FBXL17: variants seen among roughly 807,000 people sequenced by gnomAD.
The protein encoded by FBXL17 is F-box and leucine rich repeat protein 17, also known as F-box/LRR-repeat protein 17.
A neutral mutation model predicts 66.2 loss-of-function variants in FBXL17; 22 were observed. The observed-to-expected ratio is 0.33, with a 90% CI of 0.24 to 0.47. The LOEUF (loss-of-function observed/expected upper bound fraction) is 0.47. FBXL17 is among the 20% of genes least tolerant of loss of function. The pLI is 1.00. For missense variants in FBXL17, 878 were observed against 948.2 expected (o/e 0.93, Z 0.97); for synonymous variants, 474 against 400.5 (o/e 1.18, Z -2.19).
chr5:108,215,544 T>C (rs998780365), intron 5 of FBXL17, among the ~76,000 whole-genome samples: 1 of 148,608 alleles, frequency 6.7e-6, no homozygotes, highest in African/African-American at 2.4e-5. Flanking sequence ...TTCAAGTCTT[T>C]TGCACATTTA....
rs568242842 is a variant in FBXL17, at chr5:108,288,523, C to T, written c.1506+59876G>A. Among the ~76,000 whole-genome samples, 37 of 122,452 alleles carry T rather than the reference C, an allele frequency of 3.0e-4. No homozygotes were observed. The South Asian group carries it at 9.3e-3, about 31-fold the overall frequency. The allele number at this position is 122,452 out of a possible 152,430, so 80.3% of individuals were successfully genotyped here. On this transcript the variant is annotated intron_variant, in intron 4 of 8. Coordinates refer to ENST00000542267, the MANE Select transcript of FBXL17 (RefSeq NM_001163315.3). ...ACAAGTTACAAAAAGGAGGGAAAAC[C>T]GAACATAGTACATTATGTAGCTCTA...
At chr5:108,364,558 T>C (rs756707081) in intron 3 of FBXL17, among the ~76,000 whole-genome samples, 180 bp downstream of exon 3, 6 of 152,074 alleles carry the variant, frequency 3.9e-5, no homozygotes, top group Non-Finnish European at 7.4e-5. Context: ...GCAGTTAATT[T>C]ACTGATTATA....
chr5:108,224,982 A>C (rs1171313928), intron 4 of FBXL17, among the ~76,000 whole-genome samples: 2 of 152,028 alleles, frequency 1.3e-5, no homozygotes, highest in African/African-American at 4.8e-5. Flanking sequence ...TCACCCTTTC[A>C]AAGAGTACAG....
chr5:108,210,073 T>G (rs755553988), intron 5 of FBXL17, among the ~76,000 whole-genome samples: 2 of 152,226 alleles, frequency 1.3e-5, no homozygotes, highest in African/African-American at 2.4e-5. Flanking sequence ...TATCCATTTC[T>G]TCCAGATTTT....
In FBXL17 at chr5:108,007,382, G is replaced by C. The variant is rs1036429363; in HGVS notation, c.1822+13543C>G. ...AAACGCATTTGTGAGACAGACTAGA[G>C]TCCACACAAATCATATATTACAATC... On this transcript the variant is annotated intron_variant, in intron 7 of 8. Transcript: ENST00000542267. Among the ~76,000 whole-genome samples the C allele has an allele frequency of 3.0e-4, 45 of 152,212 alleles. 1 individual carries two copies. The highest frequency in any genetic ancestry group is 1.0e-3 in the African/African-American group (43 of 41,520).
chr5:108,321,086 A>AT (rs1349794702), intron 4 of FBXL17, among the ~76,000 whole-genome samples: 3 of 151,648 alleles, frequency 2.0e-5, no homozygotes, highest in Admixed American at 1.3e-4. Flanking sequence ...ATAAGAAATT[A>AT]TTTTTTTCTG....
chr5:108,122,811 T>C (rs1320342531), intron 6 of FBXL17, among the ~76,000 whole-genome samples: 1 of 152,158 alleles, frequency 6.6e-6, no homozygotes, highest in Non-Finnish European at 1.5e-5. Context: ...CCTCTTCCTA[T>C]AGTATGGTCT....
At position 107,934,195 on chromosome 5, in the gene FBXL17, G is replaced by T. The variant is rs945724824; in HGVS notation, c.1823-53016C>A. On this transcript the variant is annotated intron_variant, in intron 7 of 8. Coordinates refer to ENST00000542267, the MANE Select transcript of FBXL17 (RefSeq NM_001163315.3). Reference sequence around the variant, plus strand: ...TTGGGAAAGAAATTATTTTCATTGTGCATAATAATAATCTAAAAGTAAAGT... The same window carrying T: ...TTGGGAAAGAAATTATTTTCATTGTTCATAATAATAATCTAAAAGTAAAGT... Among the ~76,000 whole-genome samples, 5 of 151,984 alleles carry T rather than the reference G, an allele frequency of 3.3e-5. No individual in the cohort carries two copies. In the South Asian group the frequency reaches 1.0e-3, roughly 32 times the overall value.
At chr5:107,932,995 G>C (rs1256241791) in intron 7 of FBXL17, among the ~76,000 whole-genome samples, 1 of 152,132 alleles carries the variant, frequency 6.6e-6, no homozygotes, top group Non-Finnish European at 1.5e-5. Flanking sequence ...AGACAAAATG[G>C]AATTGTATAG....
intron 6 of FBXL17, among the ~76,000 whole-genome samples, chr5:108,068,187 T>C (rs1182541306): frequency 1.3e-5 from 2 of 152,214 alleles, no homozygotes; most frequent in Non-Finnish European, 2.9e-5. Context: ...TTATTGCGTA[T>C]ATGAAATTAT....
intron 6 of FBXL17, among the ~76,000 whole-genome samples, chr5:108,162,076 TGAGGCAAATA>T (rs1367401203): frequency 6.6e-6 from 1 of 152,232 alleles, no homozygotes; most frequent in Admixed American, 6.5e-5. Context: ...ATAAACTCTA[TGAGGCAAATA>T]TTGCTAAATT....
At chr5:108,238,535 G>C (rs991463757) in intron 4 of FBXL17, among the ~76,000 whole-genome samples, 7 of 152,148 alleles carry the variant, frequency 4.6e-5, no homozygotes, top group African/African-American at 1.2e-4. Context: ...TGGGGGAACA[G>C]GGTCTCATTC....
intron 4 of FBXL17, among the ~76,000 whole-genome samples, chr5:108,305,214 G>C (rs999079742): frequency 2.6e-5 from 4 of 152,048 alleles, no homozygotes; most frequent in African/African-American, 9.7e-5. Flanking sequence ...CATAGTAGAA[G>C]TCAGGTTTGC....
intron 4 of FBXL17, 143 bp downstream of exon 4, chr5:108,348,256 T>C: frequency 1.6e-6 from 1 of 610,268 alleles, no homozygotes; most frequent in Non-Finnish European, 2.6e-6. Flanking sequence ...TATAAAATCA[T>C]CACTTTAAAA....
intron 4 of FBXL17, among the ~76,000 whole-genome samples, chr5:108,347,117 T>C (rs992388658): frequency 1.3e-5 from 2 of 152,190 alleles, no homozygotes; most frequent in South Asian, 4.1e-4. Context: ...GGTAATTTTG[T>C]CATTGTGTGA....
intron 6 of FBXL17, among the ~76,000 whole-genome samples, chr5:108,163,698 G>A (rs773328994): frequency 6.6e-6 from 1 of 152,040 alleles, no homozygotes; most frequent in East Asian, 1.9e-4. Flanking sequence ...ACTGCTTCTG[G>A]CCTTAAAACA....
At chr5:108,210,678 CTT>C (rs1184386339) in intron 5 of FBXL17, among the ~76,000 whole-genome samples, 2 of 151,992 alleles carry the variant, frequency 1.3e-5, no homozygotes, top group East Asian at 1.9e-4. Context: ...GTGAGAGACT[CTT>C]TGTTATGATT....
In FBXL17 at chr5:108,103,939, A is replaced by C. The variant is rs564099957; in HGVS notation, c.1745+82178T>G. Among the ~76,000 whole-genome samples, 25 of 152,156 alleles carry C rather than the reference A, an allele frequency of 1.6e-4. No individual in the cohort carries two copies. The South Asian group carries it at 4.8e-3, about 29-fold the overall frequency. On this transcript the variant is annotated intron_variant, in intron 6 of 8. Transcript: ENST00000542267. The stretch of plus-strand genomic sequence containing the variant: ...CCTCTACCCGCTATCCTTTTCCCTC[A>C]TTTTACAAAGTGAATTGTGCCAGAC...
intron 7 of FBXL17, among the ~76,000 whole-genome samples, chr5:107,898,632 C>G (rs888296421): frequency 6.6e-6 from 1 of 152,138 alleles, no homozygotes; most frequent in African/African-American, 2.4e-5. Context: ...GCCTCCACCT[C>G]GCAACAGGCC....
Sources: allele counts gnomAD v4.1 joint callset (sites outside exome capture counted in the v4.1 genomes callset), GRCh38; gene constraint gnomAD v4.1.1; transcripts MANE v1.5; gene names NCBI Gene and HGNC (gene_info 2026-07-23, HGNC 2026-07-21).